Variants in HTR4 observed in about 807,000 individuals in gnomAD.
HTR4 encodes the protein 5-hydroxytryptamine receptor 4.
Under a neutral mutation model 36.8 loss-of-function variants are expected in HTR4, and 16 were observed. The ratio of observed to expected loss-of-function variants is 0.43; its 90% CI spans 0.29 to 0.66. The LOEUF (loss-of-function observed/expected upper bound fraction) is 0.66. Ranked by LOEUF, HTR4 falls within the 30% of genes least tolerant of loss-of-function variation. HTR4 has a pLI of 0.13. For missense variants in HTR4, 438 were observed against 490.9 expected (o/e 0.89, Z 1.02); for synonymous variants, 189 against 185.1 (o/e 1.02, Z -0.17).
chr5:148,556,170 C>T (rs1759943636), intron 2 of HTR4, among the ~76,000 whole-genome samples: 1 of 152,040 alleles, frequency 6.6e-6, no homozygotes, highest in South Asian at 2.1e-4. Context: ...ATTACAGGCA[C>T]CTGCCACCAC....
intron 2 of HTR4, among the ~76,000 whole-genome samples, chr5:148,555,178 T>G (rs1217259726): frequency 6.6e-6 from 1 of 152,164 alleles, no homozygotes; most frequent in Non-Finnish European, 1.5e-5. Context: ...TTTTTGTCTA[T>G]GGACTGTGAT....
chr5:148,528,416 A>T (rs1441752668), intron 4 of HTR4, among the ~76,000 whole-genome samples: 1 of 152,154 alleles, frequency 6.6e-6, no homozygotes, highest in Non-Finnish European at 1.5e-5. Flanking sequence ...GGCACCTTTG[A>T]GGCAGCAGCC....
At chr5:148,613,439 A>G (rs1015906186) in intron 2 of HTR4, among the ~76,000 whole-genome samples, 3 of 152,140 alleles carry the variant, frequency 2.0e-5, no homozygotes, top group African/African-American at 7.2e-5. Context: ...CCACATGATT[A>G]TCTCAATAGA....
intron 6 of HTR4, among the ~76,000 whole-genome samples, chr5:148,496,091 C>G (rs1470573669): frequency 1.3e-5 from 2 of 152,244 alleles, no homozygotes; most frequent in South Asian, 4.1e-4. Flanking sequence ...CAGTGTGAGA[C>G]TCCGCCTCAA....
intron 2 of HTR4, chr5:148,628,734 T>A (rs1480865111): frequency 6.6e-6 from 1 of 152,212 alleles, no homozygotes; most frequent in Non-Finnish European, 1.5e-5. Flanking sequence ...ACAAAAATTG[T>A]GCTTTGTAGG....
At chr5:148,489,528 G>A (rs928641456) in intron 6 of HTR4, among the ~76,000 whole-genome samples, 1 of 152,206 alleles carries the variant, frequency 6.6e-6, no homozygotes, top group African/African-American at 2.4e-5. Context: ...AGATAGCCCA[G>A]AGACTGAGGA....
chr5:148,523,190 C>A lies in HTR4; in HGVS notation c.507+3G>T. On this transcript the variant is annotated splice_donor_region_variant and intron_variant, in intron 5 of 6. Transcript: ENST00000377888. ...AACCAGTGAGGTCTGTGTGGATACT[C>A]ACCAAATCAATTATGCCAATGTTAT... is the stretch of plus-strand genomic sequence containing the variant. 1 of 1,612,970 alleles carries A rather than the reference C, an allele frequency of 6.2e-7. No homozygotes were observed. Among genetic ancestry groups the A allele is most frequent in the South Asian group, 1.1e-5 (1 of 90,888 alleles).
chr5:148,506,874 A>G (rs1757241340), intron 6 of HTR4, among the ~76,000 whole-genome samples: 1 of 152,178 alleles, frequency 6.6e-6, no homozygotes, highest in African/African-American at 2.4e-5. Context: ...TCAGGAAACA[A>G]CAGGTGCTGG....
chr5:148,629,714 A>G (rs1753252637), intron 2 of HTR4: 1 of 152,224 alleles, frequency 6.6e-6, no homozygotes, highest in Admixed American at 6.5e-5. Flanking sequence ...AGATGCTTAT[A>G]TTAATGCCGT....
chr5:148,631,323 C>T (rs1753313010), intron 2 of HTR4, among the ~76,000 whole-genome samples: 1 of 152,038 alleles, frequency 6.6e-6, no homozygotes, highest in Admixed American at 6.6e-5. Flanking sequence ...TAAATGGTAC[C>T]CACTCACTTT....
chr5:148,490,929 T>C (rs577267791), intron 6 of HTR4: 2 of 432,920 alleles, frequency 4.6e-6, no homozygotes, highest in African/African-American at 4.1e-5. Context: ...TACTGTTATT[T>C]ATATGTCATA....
intron 6 of HTR4, among the ~76,000 whole-genome samples, chr5:148,507,735 C>T (rs944393681): frequency 9.9e-5 from 15 of 151,952 alleles, no homozygotes; most frequent in African/African-American, 3.4e-4. Flanking sequence ...CTTGGGCTGC[C>T]CTGGAAACTC....
chr5:148,515,094 G>C (rs1308003706), intron 5 of HTR4, among the ~76,000 whole-genome samples: 2 of 151,518 alleles, frequency 1.3e-5, no homozygotes, highest in Non-Finnish European at 2.9e-5. Flanking sequence ...CTGTTTCTTG[G>C]TTCCTTGTTT....
intron 2 of HTR4, among the ~76,000 whole-genome samples, chr5:148,555,901 A>C (rs1269750280): frequency 1.3e-5 from 2 of 152,122 alleles, no homozygotes; most frequent in African/African-American, 4.8e-5. Context: ...ATTGTTATTA[A>C]TAATGATAGA....
chr5:148,530,304 G>A (rs918703663), intron 4 of HTR4, among the ~76,000 whole-genome samples: 10 of 152,128 alleles, frequency 6.6e-5, no homozygotes, highest in African/African-American at 2.4e-4. Context: ...TCACAGGCCT[G>A]GAAGCCTAGG....
chr5:148,459,885 G>A (rs1755222056), intron 5 of HTR4, among the ~76,000 whole-genome samples: 1 of 152,242 alleles, frequency 6.6e-6, no homozygotes, highest in South Asian at 2.1e-4. Flanking sequence ...TATGCTAAGG[G>A]TCTAATGGAA....
intron 5 of HTR4, among the ~76,000 whole-genome samples, chr5:148,518,329 G>A (rs1031878628): frequency 2.0e-5 from 3 of 151,980 alleles, no homozygotes; most frequent in African/African-American, 7.3e-5. Flanking sequence ...TGTCTATACT[G>A]TTCAATAATG....
At chr5:148,647,646 C>T (rs578086488) in intron 1 of HTR4, among the ~76,000 whole-genome samples, 4 of 152,202 alleles carry the variant, frequency 2.6e-5, no homozygotes, top group Admixed American at 6.5e-5. Flanking sequence ...CTCGGGAGTT[C>T]GAGACCAGCC....
At chr5:148,643,521 G>A (rs1016568761) in intron 1 of HTR4, among the ~76,000 whole-genome samples, 9 of 151,480 alleles carry the variant, frequency 5.9e-5, no homozygotes, top group African/African-American at 2.2e-4. Flanking sequence ...ATTTTGTGGG[G>A]AAAAAAAAGA....
Sources: allele counts gnomAD v4.1 joint callset (sites outside exome capture counted in the v4.1 genomes callset), GRCh38; gene constraint gnomAD v4.1.1; transcripts MANE v1.5; gene names NCBI Gene and HGNC (gene_info 2026-07-23, HGNC 2026-07-21).